The following DOCK3 variants were observed in gnomAD, a reference collection of about 807,000 sequenced individuals.
DOCK3 encodes dedicator of cytokinesis protein 3.
Under a neutral mutation model 265.6 loss-of-function variants are expected in DOCK3, and 60 were observed. The ratio of observed to expected loss-of-function variants is 0.23; its 90% CI spans 0.18 to 0.28. The LOEUF is 0.28. Ranked by LOEUF, DOCK3 falls within the 10% of genes least tolerant of loss-of-function variation. The probability of loss-of-function intolerance (pLI) is 1.00; values close to 1 mark genes in which losing one functional copy is unlikely to be tolerated. For missense variants in DOCK3, 1,981 were observed against 2,594.3 expected (o/e 0.76, Z 5.14); for synonymous variants, 881 against 938.0 (o/e 0.94, Z 1.11).
intron 12 of DOCK3, among the ~76,000 whole-genome samples, chr3:51,204,920 A>T (rs2089079609): frequency 6.6e-6 from 1 of 152,092 alleles, no homozygotes; most frequent in African/African-American, 2.4e-5. Context: ...GCAAGAACAA[A>T]AAACCAAACA....
intron 4 of DOCK3, chr3:50,898,457 G>GT (rs1278666810): frequency 3.3e-5 from 5 of 152,014 alleles, no homozygotes; most frequent in South Asian, 4.1e-4. Context: ...TTTTTGAAGG[G>GT]TTTTTTGTGT....
intron 5 of DOCK3, among the ~76,000 whole-genome samples, chr3:50,962,864 T>C (rs930753068): frequency 1.3e-5 from 2 of 152,200 alleles, no homozygotes; most frequent in Middle Eastern, 3.2e-3. Flanking sequence ...ACCTCGATTT[T>C]AAATGCAATA....
chr3:50,805,924 T>A (rs1034416111), intron 2 of DOCK3, among the ~76,000 whole-genome samples: 15 of 152,128 alleles, frequency 9.9e-5, no homozygotes, highest in African/African-American at 3.6e-4. Context: ...TGTGCAAGGC[T>A]GCTTGCCTGG....
intron 38 of DOCK3, 35 bp from the exon 39 acceptor site, chr3:51,348,817 G>T: frequency 6.5e-7 from 1 of 1,548,634 alleles, no homozygotes; most frequent in South Asian, 1.2e-5. Flanking sequence ...TTCTGAAGAT[G>T]AGATGCTGAA....
At chr3:51,081,725 C>T (rs1269344164) in intron 7 of DOCK3, among the ~76,000 whole-genome samples, 1 of 151,926 alleles carries the variant, frequency 6.6e-6, no homozygotes, top group East Asian at 1.9e-4. Flanking sequence ...GAAACCCCAT[C>T]TGTACTAAAA....
At chr3:50,915,358 T>C (rs906105993) in intron 4 of DOCK3, among the ~76,000 whole-genome samples, 9 of 151,868 alleles carry the variant, frequency 5.9e-5, no homozygotes, top group African/African-American at 2.2e-4. Context: ...TGTAGAATGG[T>C]GAAGCACAGC....
At chr3:50,843,123 A>G (rs1339055163) in intron 3 of DOCK3, among the ~76,000 whole-genome samples, 3 of 152,156 alleles carry the variant, frequency 2.0e-5, no homozygotes, top group Non-Finnish European at 4.4e-5. Flanking sequence ...CACTGTTTTG[A>G]TTATATCTTC....
intron 27 of DOCK3, among the ~76,000 whole-genome samples, chr3:51,288,938 G>A (rs181923502): frequency 2.6e-4 from 39 of 151,818 alleles, no homozygotes; most frequent in Admixed American, 2.4e-3. Flanking sequence ...CCATGTGTGT[G>A]TATTTAAAGT....
intron 9 of DOCK3, among the ~76,000 whole-genome samples, chr3:51,130,892 G>C (rs1484180107): frequency 6.6e-6 from 1 of 152,124 alleles, no homozygotes; most frequent in Non-Finnish European, 1.5e-5. Flanking sequence ...TACTTTAGTA[G>C]AGATGGGGTT....
chr3:51,179,767 C>G (rs1316038108), intron 12 of DOCK3, among the ~76,000 whole-genome samples: 1 of 151,818 alleles, frequency 6.6e-6, no homozygotes, highest in African/African-American at 2.4e-5. Context: ...AAAAAATTAG[C>G]CGGGCTTGGT....
At chr3:51,126,561 T>C (rs2106851926) in intron 9 of DOCK3, among the ~76,000 whole-genome samples, 1 of 152,328 alleles carries the variant, frequency 6.6e-6, no homozygotes, top group Middle Eastern at 3.4e-3. Flanking sequence ...GACCTGAATG[T>C]TGGAGACAGC....
At chr3:51,069,329 AT>A (rs2081752956) in intron 6 of DOCK3, among the ~76,000 whole-genome samples, 1 of 152,068 alleles carries the variant, frequency 6.6e-6, no homozygotes, top group Non-Finnish European at 1.5e-5. Flanking sequence ...TAGTGATGTA[AT>A]TTTAATTTAA....
At chr3:50,767,418 C>G (rs1021622523) in intron 1 of DOCK3, among the ~76,000 whole-genome samples, 18 of 152,126 alleles carry the variant, frequency 1.2e-4, no homozygotes, top group African/African-American at 4.1e-4. Context: ...TCTCAAAGAT[C>G]AGATGGTTAT....
At chr3:50,821,056 G>T (rs1163993184) in intron 2 of DOCK3, among the ~76,000 whole-genome samples, 1 of 150,726 alleles carries the variant, frequency 6.6e-6, no homozygotes, top group Non-Finnish European at 1.5e-5. Flanking sequence ...TCCTTTGTCA[G>T]ATGCATAGTT....
intron 1 of DOCK3, chr3:50,719,379 C>T: frequency 2.3e-6 from 1 of 441,250 alleles, no homozygotes; most frequent in South Asian, 4.1e-5. Context: ...GCAGCAAGAG[C>T]ACAGTGATTA....
chr3:51,380,342 G>A (rs1222836396), intron 52 of DOCK3, 135 bp downstream of exon 52: 3 of 811,928 alleles, frequency 3.7e-6, no homozygotes, highest in African/African-American at 3.5e-5. Context: ...AGAAGCTGGG[G>A]GTGGCCAGAG....
chr3:50,850,648 G>A (rs942869708), intron 3 of DOCK3, among the ~76,000 whole-genome samples: 1 of 152,104 alleles, frequency 6.6e-6, no homozygotes, highest in African/African-American at 2.4e-5. Flanking sequence ...TGTGTGAATA[G>A]GATTTTTTCT....
chr3:51,359,580 C>T lies in DOCK3; in HGVS notation c.4885-931C>T, dbSNP rs535178699. ...GGTCTCTGCTGTGTGCAAACTTCCC[C>T]ATCACAGCAGGTGACCCAAGCAGGC... is the stretch of plus-strand genomic sequence containing the variant. On this transcript the variant is annotated intron_variant, in intron 46 of 52. Coordinates refer to ENST00000266037, the MANE Select transcript of DOCK3 (RefSeq NM_004947.5). The surrounding 1 kb of genome is among the most constrained non-coding windows in gnomAD (Gnocchi z 4.8). Among the ~76,000 whole-genome samples, 12 of 152,320 alleles carry T rather than the reference C, an allele frequency of 7.9e-5. No individual in the cohort carries two copies. The highest frequency in any genetic ancestry group is 7.8e-4 in the Admixed American group (12 of 15,300).
At chr3:50,895,204 CT>C (rs34645584) in intron 4 of DOCK3, among the ~76,000 whole-genome samples, 12,704 of 121,930 alleles carry the variant, frequency 0.1, 648 homozygotes, top group Non-Finnish European at 0.14. Flanking sequence ...TTTATCCCCG[CT>C]TTTTTTTTTT....
Sources: allele counts gnomAD v4.1 joint callset (sites outside exome capture counted in the v4.1 genomes callset), GRCh38; gene constraint gnomAD v4.1.1; non-coding constraint Gnocchi (gnomAD v3.1); transcripts MANE v1.5; gene names NCBI Gene and HGNC (gene_info 2026-07-23, HGNC 2026-07-21).